Variants in DPP6 observed in about 807,000 individuals in gnomAD.
DPP6 encodes the protein dipeptidyl peptidase like 6.
Under a neutral mutation model 122.6 loss-of-function variants are expected in DPP6, and 69 were observed. The observed-to-expected ratio is 0.56, with a 90% CI of 0.46 to 0.69. DPP6 has a LOEUF of 0.69. Ranked by LOEUF, DPP6 falls within the 30% of genes least tolerant of loss-of-function variation. DPP6 has a pLI of 0.00. For synonymous variants in DPP6, 418 were observed against 433.1 expected (o/e 0.97, Z 0.43); for missense variants, 928 against 1,116.9 (o/e 0.83, Z 2.41).
the DPP6 span, among the ~76,000 whole-genome samples, chr7:153,842,930 AT>A: frequency 6.6e-6 from 1 of 152,194 alleles, no homozygotes; most frequent in African/African-American, 2.4e-5. Context: ...GATAGAAAGT[AT>A]TTTTTATTGG....
At chr7:153,775,095 A>G in the DPP6 span, among the ~76,000 whole-genome samples, 1 of 148,976 alleles carries the variant, frequency 6.7e-6, no homozygotes, top group Non-Finnish European at 1.5e-5. Context: ...GCAAAAGATT[A>G]AAAGAGAACT....
intron 1 of DPP6, among the ~76,000 whole-genome samples, chr7:154,284,545 G>T (rs1804727172): frequency 6.6e-6 from 1 of 152,134 alleles, no homozygotes; most frequent in Non-Finnish European, 1.5e-5. Flanking sequence ...GTTACAACAT[G>T]GATCAATCTT....
rs1554515587 is a variant in DPP6, at chr7:154,313,712, T to TATATGC, written c.244-132499_244-132498insTGCATA. Among the ~76,000 whole-genome samples, 115 of 24,922 alleles carry TATATGC rather than the reference T, an allele frequency of 4.6e-3. 32 individuals carry two copies. The highest frequency in any genetic ancestry group is 0.018 in the East Asian group (17 of 960). 16.3% of individuals were successfully genotyped at this position (24,922 alleles called of 152,430 possible). On this transcript the variant is annotated intron_variant, in intron 1 of 25. Transcript: ENST00000377770. The stretch of plus-strand genomic sequence containing the variant: ...ATATATATATATATATATATATATA[T>TATATGC]ATACACACACACGCACGCACACACA...
chr7:154,051,772 C>G (rs1172819180), upstream of DPP6, among the ~76,000 whole-genome samples: 1 of 150,820 alleles, frequency 6.6e-6, no homozygotes, highest in Non-Finnish European at 1.5e-5. Flanking sequence ...CGTCCTCTGC[C>G]GCCCCGCGAC....
the DPP6 span, among the ~76,000 whole-genome samples, chr7:153,842,389 A>G: frequency 6.6e-6 from 1 of 152,180 alleles, no homozygotes; most frequent in Non-Finnish European, 1.5e-5. Context: ...CAACTGTTAT[A>G]ATTCAATATT....
intron 1 of DPP6, among the ~76,000 whole-genome samples, chr7:154,359,712 T>C (rs908025720): frequency 2.0e-5 from 3 of 152,214 alleles, no homozygotes; most frequent in African/African-American, 7.2e-5. Flanking sequence ...AATAAATGAA[T>C]GTATGAAGTA....
chr7:154,033,036 A>G lies in DPP6; in HGVS notation c.51+145302A>G, dbSNP rs187285718. On this transcript the variant is annotated intron_variant, in intron 1 of 25. Coordinates refer to the DPP6 transcript ENST00000404039. ...ACACCTGTAGCTCTGGGGCCTTCCA[A>G]GCTAAGCAACAGTACTGCTAAACAG... is the stretch of plus-strand genomic sequence containing the variant. 2.3e-3 allele frequency among the ~76,000 whole-genome samples: 342 copies of G among 146,658 alleles called. 1 individual carries two copies. The highest frequency in any genetic ancestry group is 8.0e-3 in the African/African-American group (318 of 39,542).
intron 17 of DPP6, among the ~76,000 whole-genome samples, chr7:154,867,284 A>G (rs1191861817): frequency 6.6e-6 from 1 of 152,230 alleles, no homozygotes; most frequent in African/African-American, 2.4e-5. Flanking sequence ...AGAGTTCCTC[A>G]GGGGACTTCT....
chr7:154,850,948 C>T (rs1272320102), intron 16 of DPP6, among the ~76,000 whole-genome samples: 1 of 152,222 alleles, frequency 6.6e-6, no homozygotes, highest in Non-Finnish European at 1.5e-5. Flanking sequence ...TTTTGTAAAG[C>T]TTGCAGATAT....
In DPP6 at chr7:154,003,904, C is replaced by T. The variant is rs190922297; in HGVS notation, c.51+116170C>T. On this transcript the variant is annotated intron_variant, in intron 1 of 25. Coordinates refer to the DPP6 transcript ENST00000404039. ...CATTTCTGTGGCTCCAAGGAAGCCCCATGGCCAAAGAATGGGGAAATAGGC... is the reference window on the plus strand; with the variant it reads ...CATTTCTGTGGCTCCAAGGAAGCCCTATGGCCAAAGAATGGGGAAATAGGC... Among the ~76,000 whole-genome samples, 649 of 152,346 alleles carry T rather than the reference C, an allele frequency of 4.3e-3. 5 individuals carry two copies. Among genetic ancestry groups the T allele is most frequent in the African/African-American group, 0.015 (605 of 41,576 alleles).
At chr7:154,572,602 C>A (rs1394209102) in intron 5 of DPP6, among the ~76,000 whole-genome samples, 1 of 147,836 alleles carries the variant, frequency 6.8e-6, no homozygotes, top group East Asian at 2.0e-4. Context: ...CTGCAACCTC[C>A]CCATCCCAGG....
At chr7:154,788,254 G>A (rs1478930718) in intron 10 of DPP6, among the ~76,000 whole-genome samples, 1 of 152,046 alleles carries the variant, frequency 6.6e-6, no homozygotes, top group Non-Finnish European at 1.5e-5. Flanking sequence ...GGCCAACTTG[G>A]CCAACAAGGC....
At chr7:153,814,438 A>G in the DPP6 span, among the ~76,000 whole-genome samples, 2 of 152,180 alleles carry the variant, frequency 1.3e-5, no homozygotes, top group Admixed American at 6.5e-5. Context: ...TACACCAATA[A>G]CAGGCTCTGA....
intron 1 of DPP6, among the ~76,000 whole-genome samples, chr7:154,173,837 G>C (rs1446214973): frequency 6.6e-6 from 1 of 152,176 alleles, no homozygotes; most frequent in Non-Finnish European, 1.5e-5. Context: ...CAAACCAGTG[G>C]GACATCCGGG....
chr7:153,939,486 A>C (rs1801602426), intron 1 of DPP6, among the ~76,000 whole-genome samples: 1 of 152,196 alleles, frequency 6.6e-6, no homozygotes, highest in Non-Finnish European at 1.5e-5. Context: ...ATTAGTCTTA[A>C]ATTATAGTTG....
At chr7:154,181,746 C>CT (rs1563287151) in intron 1 of DPP6, among the ~76,000 whole-genome samples, 2 of 148,002 alleles carry the variant, frequency 1.4e-5, no homozygotes, top group African/African-American at 2.5e-5. Context: ...AATGCATCTC[C>CT]CTCTTTTTTT....
chr7:154,490,431 C>A (rs568070927), intron 3 of DPP6, among the ~76,000 whole-genome samples: 1 of 152,318 alleles, frequency 6.6e-6, no homozygotes, highest in South Asian at 2.1e-4. Flanking sequence ...AAGGTCACAG[C>A]AGAAGTGCTG....
chr7:154,287,767 G>T (rs952459208), intron 1 of DPP6, among the ~76,000 whole-genome samples: 34 of 152,160 alleles, frequency 2.2e-4, no homozygotes, highest in African/African-American at 7.5e-4. Context: ...ACCGGAACAG[G>T]AATGTCTGGC....
chr7:154,431,213 C>T (rs529217707), intron 1 of DPP6, among the ~76,000 whole-genome samples: 60 of 152,226 alleles, frequency 3.9e-4, no homozygotes, highest in Middle Eastern at 3.4e-3. Context: ...CAGGGGGAAG[C>T]GCCAAGGCCG....
Sources: allele counts gnomAD v4.1 joint callset (sites outside exome capture counted in the v4.1 genomes callset), GRCh38; gene constraint gnomAD v4.1.1; transcripts MANE v1.5; gene names NCBI Gene and HGNC (gene_info 2026-07-23, HGNC 2026-07-21).